RPP14: variants seen among roughly 807,000 people sequenced by gnomAD.
RPP14 encodes the protein ribonuclease P protein subunit p14.
Under a neutral mutation model 17.8 loss-of-function variants are expected in RPP14, and 19 were observed. The observed-to-expected ratio is 1.07, with a 90% CI of 0.74 to 1.57. RPP14 has a LOEUF of 1.57. Ranked by LOEUF, RPP14 falls within the 40% of genes most tolerant of loss-of-function variation. The pLI is 0.00. For missense variants in RPP14, 125 were observed against 140.8 expected, an observed-to-expected ratio of 0.89 and a Z score of 0.57; for synonymous variants, 60 against 56.4, an observed-to-expected ratio of 1.06 and a Z score of -0.29.
At chr3:58,313,041 A>T (rs2097484081) in intron 3 of RPP14, among the ~76,000 whole-genome samples, 1 of 151,300 alleles carries the variant, frequency 6.6e-6, no homozygotes, top group East Asian at 2.0e-4. Flanking sequence ...AGGCAGGCAG[A>T]TCCCAAGGTC....
intron 3 of RPP14, among the ~76,000 whole-genome samples, chr3:58,315,281 A>G (rs2097487080): frequency 6.6e-6 from 1 of 152,064 alleles, no homozygotes; most frequent in South Asian, 2.1e-4. Context: ...AAAAAAGCCA[A>G]TCCCAAAACA....
Position 58,319,007 on chromosome 3 carries a change from G to C in RPP14, c.*1511G>C, listed in dbSNP as rs570526383. The C allele has an allele frequency of 6.6e-6, 1 of 151,034 alleles. No homozygotes were observed. The highest frequency in any genetic ancestry group is 6.6e-5 in the Admixed American group (1 of 15,124). 9.4% of individuals were successfully genotyped at this position (151,034 alleles called of 1,614,324 possible). On this transcript the variant is annotated 3_prime_UTR_variant, in exon 6 of 6. Coordinates refer to ENST00000295959, the MANE Select transcript of RPP14 (RefSeq NM_007042.6). ...AACTCCACCTCAAAAAAAAAAAAAAGATTCTACTTTTAGAAATTCAGACCT... is the reference window on the plus strand; with the variant it reads ...AACTCCACCTCAAAAAAAAAAAAAACATTCTACTTTTAGAAATTCAGACCT...
At position 58,311,097 on chromosome 3, in the gene RPP14, T is replaced by G. The variant is rs554229013; in HGVS notation, c.162+506T>G. The stretch of plus-strand genomic sequence containing the variant: ...CCCTCCTACCCTTCCCAGCCTCTGA[T>G]AATCACCAATCTACTTTCTATCCTC... On this transcript the variant is annotated intron_variant, in intron 3 of 5. Coordinates refer to ENST00000295959, the MANE Select transcript of RPP14 (RefSeq NM_007042.6). Among the ~76,000 whole-genome samples the G allele has an allele frequency of 3.9e-5, 6 of 152,232 alleles. No homozygotes were observed. In the East Asian group the frequency reaches 5.8e-4, roughly 15 times the overall value.
At position 58,310,302 on chromosome 3, in the gene RPP14, A is replaced by C. The variant is rs1246578853; in HGVS notation, c.-21-7A>C. The C allele has an allele frequency of 1.2e-6, 2 of 1,603,220 alleles. No individual in the cohort carries two copies. The highest frequency in any genetic ancestry group is 1.7e-6 in the Non-Finnish European group (2 of 1,170,576). ...TGGTCATTTCTAGCCCTCTTGACTTACTGTAGGTGTGATCAGCACTGGAAA... is the reference window on the plus strand; with the variant it reads ...TGGTCATTTCTAGCCCTCTTGACTTCCTGTAGGTGTGATCAGCACTGGAAA... On this transcript the variant is annotated splice_polypyrimidine_tract_variant and splice_region_variant and intron_variant, in intron 1 of 5. Coordinates refer to ENST00000295959, the MANE Select transcript of RPP14 (RefSeq NM_007042.6).
intron 4 of RPP14, 126 bp from the exon 5 acceptor site, chr3:58,316,789 C>T (rs2107509443): frequency 1.1e-6 from 1 of 920,114 alleles, no homozygotes; most frequent in East Asian, 2.5e-5. Flanking sequence ...GATTTGGTTA[C>T]AGCTGTAGTT....
intron 1 of RPP14, chr3:58,307,814 C>G (rs1236626186): frequency 6.6e-6 from 1 of 151,654 alleles, no homozygotes; most frequent in African/African-American, 2.4e-5. Flanking sequence ...CAGGTATCCT[C>G]TCCTTTAATG....
At chr3:58,309,860 C>T (rs1260824851) in intron 1 of RPP14, among the ~76,000 whole-genome samples, 2 of 151,976 alleles carry the variant, frequency 1.3e-5, no homozygotes, top group African/African-American at 4.8e-5. Context: ...CCACTGCACT[C>T]CAGCCTGGGC....
At chr3:58,310,719 C>G in intron 3 of RPP14, 128 bp downstream of exon 3, 1 of 689,354 alleles carries the variant, frequency 1.5e-6, no homozygotes. Flanking sequence ...ATCATGAGGT[C>G]AAGAGATCGA....
At chr3:58,310,789 G>A (rs527931379) in intron 3 of RPP14, among the ~76,000 whole-genome samples, 198 bp downstream of exon 3, 2 of 152,046 alleles carry the variant, frequency 1.3e-5, no homozygotes, top group African/African-American at 4.8e-5. Context: ...GATAAGCTGG[G>A]TGTGGTGGCA....
In RPP14 at chr3:58,311,708, CT is replaced by C. The variant is rs756755418; in HGVS notation, c.162+1131del. Among the ~76,000 whole-genome samples, 337 of 139,056 alleles carry C rather than the reference CT, an allele frequency of 2.4e-3. 2 individuals are homozygous for C. Among genetic ancestry groups the C allele is most frequent in the Middle Eastern group, 7.6e-3 (2 of 262 alleles). 91.2% of individuals were successfully genotyped at this position (139,056 alleles called of 152,430 possible). A position where few individuals can be genotyped will look rare whatever the true frequency, so the allele number is the denominator to read the frequency against. The stretch of plus-strand genomic sequence containing the variant: ...CAATAAATATGAGAGTGCATATGTC[CT>C]TTTTTTTTTTTTTCCCCACCTTGGC... On this transcript the variant is annotated intron_variant, in intron 3 of 5. Coordinates refer to ENST00000295959, the MANE Select transcript of RPP14 (RefSeq NM_007042.6).
chr3:58,317,358 G>A (rs1012028694), intron 5 of RPP14, 82 bp from the exon 6 acceptor site: 2 of 917,452 alleles, frequency 2.2e-6, no homozygotes, highest in Non-Finnish European at 3.4e-6. Context: ...TGTTTATCCT[G>A]TAAAACTGGG....
intron 1 of RPP14, among the ~76,000 whole-genome samples, chr3:58,308,901 A>G (rs1054079132): frequency 1.3e-5 from 2 of 152,382 alleles, no homozygotes; most frequent in South Asian, 4.1e-4. Flanking sequence ...AATAGGACCT[A>G]TCCAGAGGGA....
intron 4 of RPP14, 137 bp from the exon 5 acceptor site, chr3:58,316,778 C>T (rs375391430): frequency 6.8e-6 from 6 of 886,384 alleles, no homozygotes; most frequent in Admixed American, 4.9e-5. Flanking sequence ...GCAAAACTTA[C>T]GATTTGGTTA....
intron 1 of RPP14, 149 bp from the exon 2 acceptor site, chr3:58,310,160 T>C (rs899534143): frequency 1.5e-5 from 9 of 611,590 alleles, no homozygotes; most frequent in African/African-American, 1.9e-5. Context: ...TGAACTCTGA[T>C]TGTACCACTG....
chr3:58,311,111 C>CT (rs1353110288), intron 3 of RPP14, among the ~76,000 whole-genome samples: 2 of 151,144 alleles, frequency 1.3e-5, no homozygotes, highest in East Asian at 3.9e-4. Flanking sequence ...CACCAATCTA[C>CT]TTTCTATCCT....
intron 4 of RPP14, 66 bp from the exon 5 acceptor site, chr3:58,316,849 C>A: frequency 7.5e-7 from 1 of 1,324,974 alleles, no homozygotes; most frequent in Non-Finnish European, 1.1e-6. Context: ...ATTTTAGAAA[C>A]CTTAGTTGAA....
intron 1 of RPP14, among the ~76,000 whole-genome samples, chr3:58,307,392 A>G (rs1389968493): frequency 1.3e-5 from 2 of 152,202 alleles, no homozygotes; most frequent in African/African-American, 2.4e-5. Context: ...TATTACTAAT[A>G]GGTCAGATTA....
At position 58,316,570 on chromosome 3, in the gene RPP14, C is replaced by G. The variant is rs1224372595; in HGVS notation, c.218C>G (p.Ala73Gly). 1.2e-6 allele frequency: 2 copies of G among 1,613,810 alleles called. No homozygotes were observed. The change falls in exon 4 of 6, where the codon GCC (alanine) becomes GGC (glycine). Residue 73 changes from alanine to glycine, a missense_variant. By Grantham distance (60) the Ala-to-Gly change is moderately conservative. Coordinates refer to ENST00000295959, the MANE Select transcript of RPP14 (RefSeq NM_007042.6). ...ACCTATGAAGAGAAGACCTTGTCAGCCATCTTGAGAATATGTAGCAGGTAT... is the reference window on the plus strand; with the variant it reads ...ACCTATGAAGAGAAGACCTTGTCAGGCATCTTGAGAATATGTAGCAGGTAT... The part of the protein sequence containing the change: ...ILTYEEKTLS[A>G]ILRICSSGLV...
chr3:58,309,611 G>C (rs1322881983), intron 1 of RPP14, among the ~76,000 whole-genome samples: 3 of 152,186 alleles, frequency 2.0e-5, no homozygotes, highest in Non-Finnish European at 4.4e-5. Flanking sequence ...CAAACAGGAG[G>C]CCAGGCACAG....
Sources: gnomAD v4.1 joint callset for allele counts (sites outside exome capture counted in the v4.1 genomes callset) on GRCh38, gnomAD v4.1.1 for gene constraint, MANE v1.5 for transcripts, NCBI Gene and HGNC (gene_info 2026-07-23, HGNC 2026-07-21) for gene names.